Variants in TOX2 observed in about 807,000 individuals in gnomAD.
The protein encoded by TOX2 is granulosa cell HMG box 1.
In TOX2, 15 loss-of-function variants were observed where a neutral mutation model predicts 47.4. That is an observed-to-expected ratio of 0.32 (90% CI 0.21 to 0.49). The LOEUF (loss-of-function observed/expected upper bound fraction) is 0.49. Among genes scored for constraint, TOX2 ranks in the 20% least tolerant of loss-of-function variants. The pLI, the probability that TOX2 is intolerant of heterozygous loss-of-function variation, is 0.99. For missense variants in TOX2, 622 were observed against 673.1 expected (o/e 0.92, Z 0.84); for synonymous variants, 290 against 296.6 (o/e 0.98, Z 0.23).
rs369539942 is a variant in TOX2, at chr20:44,020,787, T to C, written c.411+13995T>C. Among the ~76,000 whole-genome samples, 60 of 152,324 alleles carry C rather than the reference T, an allele frequency of 3.9e-4. No homozygotes were observed. In the East Asian group the frequency reaches 9.8e-3, roughly 25 times the overall value. ...AACACTAGGCTGTGGTCATCCTCAG[T>C]TGAGCCCTGAATTCTCAGTTGTTTT... On this transcript the variant is annotated intron_variant, in intron 3 of 8. Coordinates refer to ENST00000341197, the MANE Select transcript of TOX2 (RefSeq NM_001098797.2).
intron 3 of TOX2, among the ~76,000 whole-genome samples, chr20:44,046,738 T>C (rs1472441596): frequency 6.6e-6 from 1 of 152,240 alleles, no homozygotes; most frequent in African/African-American, 2.4e-5. Context: ...AAACTGTTTA[T>C]TGAATAGACA....
At chr20:43,919,145 T>C (rs1415632967) in intron 1 of TOX2, among the ~76,000 whole-genome samples, 1 of 152,214 alleles carries the variant, frequency 6.6e-6, no homozygotes, top group Admixed American at 6.5e-5. Context: ...CAAGAACTGA[T>C]ACTGCATAGG....
chr20:43,921,907 G>A (rs541924326), intron 1 of TOX2, among the ~76,000 whole-genome samples: 1 of 152,306 alleles, frequency 6.6e-6, no homozygotes, highest in Admixed American at 6.5e-5. Context: ...GGTTGAAGGA[G>A]CCTCTTATTG....
At chr20:44,068,589 GGT>G in intron 8 of TOX2, 59 bp from the exon 9 acceptor site, 2 of 1,563,806 alleles carry the variant, frequency 1.3e-6, no homozygotes, top group Non-Finnish European at 1.7e-6. Context: ...CAGGGGTCCT[GGT>G]GCTCCCCTGG....
chr20:44,044,127 G>GAGAT (rs1253979574), intron 3 of TOX2, among the ~76,000 whole-genome samples: 1 of 72,896 alleles, frequency 1.4e-5, no homozygotes, highest in Non-Finnish European at 3.4e-5. Context: ...GTCCTTTGTA[G>GAGAT]GGACATGGAT....
At chr20:44,024,159 G>A (rs150919734) in intron 3 of TOX2, among the ~76,000 whole-genome samples, 1 of 152,100 alleles carries the variant, frequency 6.6e-6, no homozygotes, top group African/African-American at 2.4e-5. Context: ...GCTCTATACG[G>A]TTATTACCAT....
In TOX2 at chr20:44,065,796, A is replaced by C. The variant is rs1216489112; in HGVS notation, c.1045A>C (p.Met349Leu). The change falls in exon 7 of 9, where the codon ATG (methionine) becomes CTG (leucine). Residue 349 changes from methionine (M) to leucine (L), a missense_variant. Met to Leu is a conservative substitution (Grantham distance 15). This residue lies in a region of TOX2 where 294 missense variants were observed against 300.0 expected (regional missense o/e 0.98). Coordinates refer to ENST00000341197, the MANE Select transcript of TOX2 (RefSeq NM_001098797.2). ...MLPPKQPMYA[M>L]PGLASFLTPS... ...CCCACCCAAGCAGCCCATGTATGCC[A>C]TGCCAGGCCTGGCCTCCTTCCTGAC... 6 of 1,613,632 alleles carry C rather than the reference A, an allele frequency of 3.7e-6. No homozygotes were observed. The highest frequency in any genetic ancestry group is 5.1e-6 in the Non-Finnish European group (6 of 1,179,610).
chr20:44,040,316 C>T (rs1050976090), intron 3 of TOX2, among the ~76,000 whole-genome samples: 21 of 152,160 alleles, frequency 1.4e-4, no homozygotes, highest in African/African-American at 5.1e-4. Flanking sequence ...ACCTTAGGAA[C>T]ACCAGCGTTT....
At chr20:43,989,986 G>C (rs886292648) in intron 2 of TOX2, among the ~76,000 whole-genome samples, 5 of 152,072 alleles carry the variant, frequency 3.3e-5, no homozygotes, top group African/African-American at 1.2e-4. Context: ...TTGTTGGCCG[G>C]ATTCAGTTCC....
chr20:44,043,400 C>T (rs1328215676), intron 3 of TOX2, among the ~76,000 whole-genome samples: 3 of 152,180 alleles, frequency 2.0e-5, no homozygotes, highest in Non-Finnish European at 2.9e-5. Flanking sequence ...AAGAAATAAC[C>T]ACTATTCTGC....
rs75394397 is a variant in TOX2 at position 44,027,731 on chromosome 20, G to A, written c.411+20939G>A. ...GATGGGTGAGGCATCACTGGCAGAA[G>A]GAAGTGCACAGGCAAAGATGAGGAG... On this transcript the variant is annotated intron_variant, in intron 3 of 8. Coordinates refer to ENST00000341197, the MANE Select transcript of TOX2 (RefSeq NM_001098797.2). 5.4e-3 allele frequency among the ~76,000 whole-genome samples: 826 copies of A among 152,348 alleles called. 3 individuals carry two copies. The highest frequency in any genetic ancestry group is 0.038 in the Middle Eastern group (11 of 292).
intron 1 of TOX2, among the ~76,000 whole-genome samples, chr20:43,959,476 C>G (rs1212280163): frequency 6.6e-6 from 1 of 152,222 alleles, no homozygotes; most frequent in Non-Finnish European, 1.5e-5. Context: ...GTGCCAAGTT[C>G]AGATGACCTA....
chr20:43,931,657 C>T (rs1223728437), intron 1 of TOX2, among the ~76,000 whole-genome samples: 2 of 152,066 alleles, frequency 1.3e-5, no homozygotes, highest in African/African-American at 2.4e-5. Flanking sequence ...AGGTGTGCTG[C>T]GTTTTAGAAG....
rs1187448837 is a variant in TOX2 at position 43,939,714 on chromosome 20, C to G, written c.99+24724C>G. Among the ~76,000 whole-genome samples, 4 of 152,178 alleles carry G rather than the reference C, an allele frequency of 2.6e-5. No homozygotes were observed. In the East Asian group the frequency reaches 7.7e-4, roughly 29 times the overall value. On this transcript the variant is annotated intron_variant, in intron 1 of 8. Transcript: ENST00000341197. ...GAAGCTGTGTGGCCTCAAGAGCTTA[C>G]TTAACTCCTCTGAGCCTGTTGGCAC... is the stretch of plus-strand genomic sequence containing the variant.
chr20:44,010,191 G>A (rs2070756455), intron 3 of TOX2, among the ~76,000 whole-genome samples: 1 of 152,164 alleles, frequency 6.6e-6, no homozygotes, highest in Non-Finnish European at 1.5e-5. Context: ...ACGCCCTCAG[G>A]TACATTTGTA....
chr20:43,976,995 C>G (rs908735400), intron 2 of TOX2, among the ~76,000 whole-genome samples: 1 of 152,188 alleles, frequency 6.6e-6, no homozygotes, highest in Non-Finnish European at 1.5e-5. Flanking sequence ...CAGTTAAATA[C>G]AAGGTTCACC....
At chr20:44,061,417 T>C (rs2071716718) in intron 5 of TOX2, among the ~76,000 whole-genome samples, 1 of 151,984 alleles carries the variant, frequency 6.6e-6, no homozygotes, top group Admixed American at 6.6e-5. Context: ...AAACGAAAAC[T>C]GCAGGCCAGT....
Position 44,066,348 on chromosome 20 carries a change from C to G in TOX2, c.1356+241C>G, listed in dbSNP as rs6130513. ...TGACTCTTAGGATACTCCAGTCCCC[C>G]CTTCCTGCATCCTCAGCCCTAGCCC... On this transcript the variant is annotated intron_variant, in intron 7 of 8. Transcript: ENST00000341197. Among the ~76,000 whole-genome samples, 385 of 152,320 alleles carry G rather than the reference C, an allele frequency of 2.5e-3. 2 individuals are homozygous for G. Among genetic ancestry groups the G allele is most frequent in the East Asian group, 0.017 (88 of 5,178 alleles).
intron 3 of TOX2, among the ~76,000 whole-genome samples, chr20:44,018,678 G>A (rs1020531345): frequency 4.6e-5 from 7 of 152,082 alleles, no homozygotes; most frequent in Non-Finnish European, 7.3e-5. Context: ...TTTAGAACTC[G>A]GAGCCTTTAT....
Sources: allele counts gnomAD v4.1 joint callset (sites outside exome capture counted in the v4.1 genomes callset), GRCh38; gene constraint gnomAD v4.1.1; regional missense constraint gnomAD v4.1.1; transcripts MANE v1.5; gene names NCBI Gene and HGNC (gene_info 2026-07-23, HGNC 2026-07-21).